The following ZNF385D variants were observed in gnomAD, a reference collection of about 807,000 sequenced individuals.
ZNF385D encodes the protein zinc finger protein 385D.
ZNF385D carries 15 observed loss-of-function variants against 35.8 expected under a neutral mutation model. That is an observed-to-expected ratio of 0.42 (90% CI 0.28 to 0.64). The LOEUF is 0.64. Ranked by LOEUF, ZNF385D falls within the 30% of genes least tolerant of loss-of-function variation. ZNF385D has a pLI of 0.23. For synonymous variants in ZNF385D, 212 were observed against 186.8 expected (o/e 1.13, Z -1.10); for missense variants, 474 against 494.6 (o/e 0.96, Z 0.39).
intron 3 of ZNF385D, among the ~76,000 whole-genome samples, chr3:21,952,288 T>A (rs1702101306): frequency 6.6e-6 from 1 of 151,980 alleles, no homozygotes; most frequent in Non-Finnish European, 1.5e-5. Flanking sequence ...ATTCCCAAGA[T>A]CTAGTGGTCT....
intron 1 of ZNF385D, among the ~76,000 whole-genome samples, chr3:21,739,415 T>C (rs1448566003): frequency 6.6e-6 from 1 of 152,156 alleles, no homozygotes; most frequent in African/African-American, 2.4e-5. Flanking sequence ...GTTAACACAA[T>C]GACGGGTCAG....
chr3:21,969,546 G>A (rs1355684504), intron 3 of ZNF385D, among the ~76,000 whole-genome samples: 3 of 152,210 alleles, frequency 2.0e-5, no homozygotes, highest in Non-Finnish European at 1.5e-5. Flanking sequence ...TTAGGTAAAC[G>A]GACTAATTAA....
chr3:21,471,151 C>T lies in ZNF385D; in HGVS notation c.440-33948G>A, dbSNP rs1188751572. 2.0e-5 allele frequency among the ~76,000 whole-genome samples: 3 copies of T among 152,058 alleles called. No homozygotes were observed. The East Asian group carries it at 5.8e-4, about 29-fold the overall frequency. On this transcript the variant is annotated intron_variant, in intron 4 of 7. Transcript: ENST00000281523. The stretch of plus-strand genomic sequence containing the variant: ...CACATATGTCATAGCCGGCGTTATG[C>T]CCAAATTATCTTGAGTTCTGAGTTA...
intron 3 of ZNF385D, among the ~76,000 whole-genome samples, chr3:21,806,692 A>G (rs1174475383): frequency 6.6e-6 from 1 of 152,174 alleles, no homozygotes; most frequent in Non-Finnish European, 1.5e-5. Context: ...AATAAAATTT[A>G]GTTTTCAAAT....
chr3:22,357,382 TAATCAAGCA>T (rs1477092985), intron 2 of ZNF385D, among the ~76,000 whole-genome samples: 2 of 151,900 alleles, frequency 1.3e-5, no homozygotes, highest in Non-Finnish European at 2.9e-5. Flanking sequence ...ATGTCACTTA[TAATCAAGCA>T]AATACTTTTA....
chr3:22,183,421 A>C lies in ZNF385D; in HGVS notation c.107-14386T>G, dbSNP rs925845674. Among the ~76,000 whole-genome samples the C allele has an allele frequency of 2.6e-5, 4 of 151,980 alleles. No homozygotes were observed. In the South Asian group the frequency reaches 8.3e-4, roughly 32 times the overall value. On this transcript the variant is annotated intron_variant, in intron 2 of 5. Transcript: ENST00000494108. ...GCTGGAGTGCAGTGTGCAGTGGTGCAATCTTGGCTCACTACAACCTCCGCC... is the reference window on the plus strand; with the variant it reads ...GCTGGAGTGCAGTGTGCAGTGGTGCCATCTTGGCTCACTACAACCTCCGCC...
chr3:21,926,405 T>A (rs781731299), intron 3 of ZNF385D, among the ~76,000 whole-genome samples: 2 of 152,162 alleles, frequency 1.3e-5, no homozygotes, highest in African/African-American at 4.8e-5. Context: ...GTTCTTGTGT[T>A]TAGTTTCCTG....
chr3:21,989,338 A>G (rs1207960287), intron 3 of ZNF385D, among the ~76,000 whole-genome samples: 2 of 152,100 alleles, frequency 1.3e-5, no homozygotes, highest in Non-Finnish European at 1.5e-5. Context: ...CCTAGGATGC[A>G]TTTCTGGAAT....
chr3:21,667,046 C>T (rs2066428827), intron 1 of ZNF385D, among the ~76,000 whole-genome samples: 1 of 152,192 alleles, frequency 6.6e-6, no homozygotes. Flanking sequence ...CACTGTACTT[C>T]AGCCTGGGCG....
chr3:22,030,003 C>T (rs941267627), intron 3 of ZNF385D, among the ~76,000 whole-genome samples: 1 of 151,530 alleles, frequency 6.6e-6, no homozygotes, highest in Non-Finnish European at 1.5e-5. Flanking sequence ...GGCAGACCCA[C>T]CCTTAATCTG....
intron 2 of ZNF385D, among the ~76,000 whole-genome samples, chr3:21,587,594 T>G (rs2063848091): frequency 6.6e-6 from 1 of 152,176 alleles, no homozygotes; most frequent in Admixed American, 6.5e-5. Flanking sequence ...TTTTAGCAGG[T>G]TTATGAGATG....
intron 2 of ZNF385D, among the ~76,000 whole-genome samples, chr3:22,245,478 CAAAAAAA>C (rs10576851): frequency 8.0e-6 from 1 of 124,370 alleles, no homozygotes; most frequent in East Asian, 2.4e-4. Flanking sequence ...CAGGATAAGC[CAAAAAAA>C]AAAAAAAAAA....
At chr3:21,777,977 A>G (rs4858356) in intron 3 of ZNF385D, among the ~76,000 whole-genome samples, 144,109 of 151,866 alleles carry the variant, frequency 0.95, 68,391 homozygotes, top group East Asian at 0.98. Context: ...TTGATCAAAC[A>G]GACCCCAGAT....
At chr3:21,693,886 T>TG in intron 1 of ZNF385D, among the ~76,000 whole-genome samples, 1 of 144,642 alleles carries the variant, frequency 6.9e-6, no homozygotes, top group East Asian at 2.0e-4. Context: ...TTTTTTCTTT[T>TG]TTTTTTTTTT....
intron 2 of ZNF385D, among the ~76,000 whole-genome samples, chr3:22,283,380 A>G (rs1701867394): frequency 1.3e-5 from 2 of 152,150 alleles, no homozygotes; most frequent in African/African-American, 4.8e-5. Flanking sequence ...CAGAATATAC[A>G]TTCTATTCAA....
chr3:22,136,384 T>C (rs1168985483), intron 3 of ZNF385D, among the ~76,000 whole-genome samples: 1 of 80,254 alleles, frequency 1.2e-5, no homozygotes, highest in African/African-American at 3.7e-5. Flanking sequence ...TGAGACTTTG[T>C]CTAAAAAAAA....
At chr3:22,094,395 T>TATATATCAACAATATATATTGTTG (rs375599136) in intron 3 of ZNF385D, among the ~76,000 whole-genome samples, 2,381 of 136,094 alleles carry the variant, frequency 0.017, 153 homozygotes, top group African/African-American at 0.055. Context: ...GATATATATA[T>TATATATCAACAATATATATTGTTG]ATATATATAT....
At chr3:22,027,826 A>T (rs191674884) in intron 3 of ZNF385D, among the ~76,000 whole-genome samples, 1 of 152,152 alleles carries the variant, frequency 6.6e-6, no homozygotes, top group Non-Finnish European at 1.5e-5. Context: ...CAATGGCCTC[A>T]TGGGGGGTTC....
intron 3 of ZNF385D, among the ~76,000 whole-genome samples, chr3:22,040,398 T>C (rs780782026): frequency 3.3e-4 from 51 of 152,278 alleles, no homozygotes; most frequent in Non-Finnish European, 5.9e-4. Context: ...CTAATTAATA[T>C]GTCCAACATC....
Sources: gnomAD v4.1 joint callset for allele counts (sites outside exome capture counted in the v4.1 genomes callset) on GRCh38, gnomAD v4.1.1 for gene constraint, MANE v1.5 for transcripts, NCBI Gene and HGNC (gene_info 2026-07-23, HGNC 2026-07-21) for gene names.